LRRC8D: variants seen among roughly 807,000 people sequenced by gnomAD.
The protein encoded by LRRC8D is leucine rich repeat containing 8 VRAC subunit D, also known as volume-regulated anion channel subunit LRRC8D.
In LRRC8D, 20 loss-of-function variants were observed where a neutral mutation model predicts 55.8. That is an observed-to-expected ratio of 0.36 (90% confidence interval 0.25 to 0.52). The LOEUF is 0.52. Ranked by LOEUF, LRRC8D falls within the 20% of genes least tolerant of loss-of-function variation. LRRC8D has a pLI of 0.93. For synonymous variants in LRRC8D, 352 were observed against 377.0 expected (o/e 0.93, Z 0.77); for missense variants, 651 against 1,030.8 (o/e 0.63, Z 5.05).
At chr1:89,853,253 T>C (rs1661466710) in intron 2 of LRRC8D, among the ~76,000 whole-genome samples, 1 of 152,188 alleles carries the variant, frequency 6.6e-6, no homozygotes, top group South Asian at 2.1e-4. Flanking sequence ...TCTGAAGGTG[T>C]CATTAGTAAG....
intron 2 of LRRC8D, among the ~76,000 whole-genome samples, chr1:89,901,137 T>G (rs978319088): frequency 1.3e-5 from 2 of 152,238 alleles, no homozygotes; most frequent in Non-Finnish European, 2.9e-5. Context: ...TCTTTGCCTC[T>G]TCTGCTGACT....
At chr1:89,850,138 TAC>T (rs1661375952) in intron 2 of LRRC8D, among the ~76,000 whole-genome samples, 2 of 152,228 alleles carry the variant, frequency 1.3e-5, no homozygotes. Flanking sequence ...TGCCAACTAG[TAC>T]ATTCTTTCTC....
chr1:89,855,723 T>C (rs1175492067), intron 2 of LRRC8D, among the ~76,000 whole-genome samples: 1 of 152,222 alleles, frequency 6.6e-6, no homozygotes, highest in Non-Finnish European at 1.5e-5. Context: ...CATAATTATA[T>C]ACTCTTCAAA....
intron 2 of LRRC8D, among the ~76,000 whole-genome samples, chr1:89,895,311 A>G (rs970079597): frequency 1.3e-5 from 2 of 152,144 alleles, no homozygotes; most frequent in Admixed American, 6.6e-5. Flanking sequence ...TTAAATCCCT[A>G]TGTATTTACA....
intron 2 of LRRC8D, among the ~76,000 whole-genome samples, chr1:89,923,237 A>G (rs891226247): frequency 2.6e-5 from 4 of 152,262 alleles, no homozygotes; most frequent in African/African-American, 7.2e-5. Flanking sequence ...CCACTTCCGC[A>G]TAATGTAATT....
intron 2 of LRRC8D, among the ~76,000 whole-genome samples, chr1:89,908,863 A>AGCT (rs1294924655): frequency 6.6e-6 from 1 of 152,238 alleles, no homozygotes; most frequent in Non-Finnish European, 1.5e-5. Context: ...TGATAAATCC[A>AGCT]GCTGCTGCTT....
At chr1:89,932,694 T>G (rs1663742066) in intron 2 of LRRC8D, among the ~76,000 whole-genome samples, 1 of 152,206 alleles carries the variant, frequency 6.6e-6, no homozygotes, top group African/African-American at 2.4e-5. Flanking sequence ...CAATTTTGGC[T>G]TATACAAAAT....
chr1:89,833,702 A>AT (rs1321625348), intron 1 of LRRC8D: 2 of 152,186 alleles, frequency 1.3e-5, no homozygotes, highest in Non-Finnish European at 2.9e-5. Flanking sequence ...CACAATAGCC[A>AT]TGTGTGTCAG....
intron 2 of LRRC8D, among the ~76,000 whole-genome samples, chr1:89,887,516 C>T (rs1156463959): frequency 1.3e-5 from 2 of 152,126 alleles, no homozygotes; most frequent in South Asian, 2.1e-4. Context: ...TGAGCAAGTC[C>T]CTTTGTTGCC....
intron 1 of LRRC8D, among the ~76,000 whole-genome samples, chr1:89,829,413 A>G (rs963074551): frequency 7.2e-5 from 11 of 152,238 alleles, no homozygotes; most frequent in Non-Finnish European, 1.3e-4. Context: ...GTCATTTGCA[A>G]CAACGTCACA....
intron 2 of LRRC8D, among the ~76,000 whole-genome samples, chr1:89,905,350 G>A (rs1662962265): frequency 6.6e-6 from 1 of 152,166 alleles, no homozygotes; most frequent in Non-Finnish European, 1.5e-5. Flanking sequence ...TGCCTCCCAA[G>A]ACTTTTATGG....
intron 2 of LRRC8D, among the ~76,000 whole-genome samples, chr1:89,920,499 A>G (rs1570891089): frequency 1.3e-5 from 2 of 151,952 alleles, no homozygotes; most frequent in East Asian, 3.8e-4. Context: ...GTTATTTTTG[A>G]TATCTAAACC....
At chr1:89,916,666 T>C (rs1663276275) in intron 2 of LRRC8D, among the ~76,000 whole-genome samples, 1 of 152,236 alleles carries the variant, frequency 6.6e-6, no homozygotes, top group African/African-American at 2.4e-5. Context: ...CCTCATCTTT[T>C]GATTTTCTTG....
Position 89,935,154 on chromosome 1 carries a change from G to T in LRRC8D, c.2086G>T (p.Val696Phe). The T allele has an allele frequency of 6.2e-7, 1 of 1,614,150 alleles. No individual in the cohort carries two copies. The highest frequency in any genetic ancestry group is 8.5e-7 in the Non-Finnish European group (1 of 1,180,028). Residue 696 changes from valine to phenylalanine, a missense_variant, in exon 3 of 3, where the codon GTT (valine) becomes TTT (phenylalanine). Coordinates refer to ENST00000337338, the MANE Select transcript of LRRC8D (RefSeq NM_001134479.2). The stretch of plus-strand genomic sequence containing the variant: ...TTTAAAATTATGGCATAACAAAATT[G>T]TTACTATTCCTCCCTCTATTACCCA... ...TCLKLWHNKI[V>F]TIPPSITHVK...
At chr1:89,882,729 A>G (rs1053094563) in intron 2 of LRRC8D, among the ~76,000 whole-genome samples, 1 of 152,244 alleles carries the variant, frequency 6.6e-6, no homozygotes, top group Non-Finnish European at 1.5e-5. Flanking sequence ...ATAACTGTGT[A>G]TTGCAAGACA....
chr1:89,927,769 A>G (rs953478617), intron 2 of LRRC8D, among the ~76,000 whole-genome samples: 28 of 152,346 alleles, frequency 1.8e-4, no homozygotes, highest in African/African-American at 6.3e-4. Context: ...TTGGAAATAG[A>G]GCCATTCTCT....
chr1:89,924,897 GAC>G (rs1213171341), intron 2 of LRRC8D, among the ~76,000 whole-genome samples: 10 of 152,164 alleles, frequency 6.6e-5, no homozygotes, highest in African/African-American at 2.4e-4. Flanking sequence ...GGGAACAATA[GAC>G]ACAGGGGCCT....
rs200283038 is a variant in LRRC8D at position 89,877,218 on chromosome 1, TTCTC to T, written c.-3+33448_-3+33451del. On this transcript the variant is annotated intron_variant, in intron 2 of 2. Coordinates refer to ENST00000337338, the MANE Select transcript of LRRC8D (RefSeq NM_001134479.2). ...TTTAGAAGAAACTTCAAACAGTTCT[TTCTC>T]TCTCTCTCTCTTTTTTTTTTTTTAA... 7.9e-5 allele frequency among the ~76,000 whole-genome samples: 12 copies of T among 151,458 alleles called. No homozygotes were observed. In the South Asian group the frequency reaches 8.3e-4, roughly 11 times the overall value.
intron 2 of LRRC8D, among the ~76,000 whole-genome samples, chr1:89,865,330 T>TTATATATATATATATA (rs34852331): frequency 7.2e-6 from 1 of 139,296 alleles, no homozygotes; most frequent in African/African-American, 2.6e-5. Flanking sequence ...AAACATGAAA[T>TTATATATATATATATA]TATATATATA....
Sources: allele counts gnomAD v4.1 joint callset (sites outside exome capture counted in the v4.1 genomes callset), GRCh38; gene constraint gnomAD v4.1.1; transcripts MANE v1.5; gene names NCBI Gene and HGNC (gene_info 2026-07-23, HGNC 2026-07-21).